CBFA2T2: variants seen among roughly 807,000 people sequenced by gnomAD.
CBFA2T2 encodes CBFA2/RUNX1 partner transcriptional co-repressor 2.
Under a neutral mutation model 62.2 loss-of-function variants are expected in CBFA2T2, and 11 were observed. That is an observed-to-expected ratio of 0.18 (90% CI 0.11 to 0.29). The LOEUF is 0.29. Ranked by LOEUF, CBFA2T2 falls within the 10% of genes least tolerant of loss-of-function variation. The pLI, the probability that CBFA2T2 is intolerant of heterozygous loss-of-function variation, is 1.00. For missense variants in CBFA2T2, 592 were observed against 774.1 expected (o/e 0.76, Z 2.79); for synonymous variants, 295 against 287.5 (o/e 1.03, Z -0.27).
intron 1 of CBFA2T2, among the ~76,000 whole-genome samples, chr20:33,533,099 TTTTG>T (rs1406700751): frequency 6.6e-6 from 1 of 152,096 alleles, no homozygotes; most frequent in Non-Finnish European, 1.5e-5. Context: ...TTACATATAC[TTTTG>T]TTTTATTCTT....
chr20:33,495,014 C>T (rs2011184985), intron 1 of CBFA2T2, among the ~76,000 whole-genome samples: 1 of 152,198 alleles, frequency 6.6e-6, no homozygotes, highest in African/African-American at 2.4e-5. Flanking sequence ...TTAACAATAC[C>T]TCCTGGGGTG....
intron 1 of CBFA2T2, among the ~76,000 whole-genome samples, chr20:33,499,291 G>A (rs549763478): frequency 4.5e-4 from 69 of 152,280 alleles, no homozygotes; most frequent in African/African-American, 1.4e-3. Flanking sequence ...ATTCCTTAGA[G>A]TATTGTTTTG....
intron 4 of CBFA2T2, among the ~76,000 whole-genome samples, chr20:33,621,161 T>C (rs2015949006): frequency 6.6e-6 from 1 of 152,200 alleles, no homozygotes; most frequent in East Asian, 1.9e-4. Flanking sequence ...TGGTGTTGAT[T>C]TGATTAGAAT....
chr20:33,632,233 G>A (rs2016481011), intron 8 of CBFA2T2, among the ~76,000 whole-genome samples: 1 of 151,826 alleles, frequency 6.6e-6, no homozygotes, highest in Non-Finnish European at 1.5e-5. Flanking sequence ...TAGTAGAGAT[G>A]GGGTTTCACC....
intron 1 of CBFA2T2, among the ~76,000 whole-genome samples, chr20:33,567,245 T>G (rs1299194150): frequency 6.6e-6 from 1 of 152,248 alleles, no homozygotes; most frequent in Non-Finnish European, 1.5e-5. Context: ...TGTGTTTTGT[T>G]TAAAGCAACA....
chr20:33,494,261 ATATATATATATATTTTTTTTT>A (rs2011173643), intron 1 of CBFA2T2, among the ~76,000 whole-genome samples: 3 of 70,678 alleles, frequency 4.2e-5, no homozygotes, highest in African/African-American at 6.4e-5. Context: ...ATATATATAT[ATATATATATATATTTTTTTTT>A]TTTTTTTTTT....
intron 1 of CBFA2T2, among the ~76,000 whole-genome samples, chr20:33,507,945 A>G (rs943053090): frequency 7.9e-5 from 12 of 152,082 alleles, no homozygotes; most frequent in African/African-American, 2.7e-4. Context: ...CCAAGTGAAG[A>G]ATGGGTAGGA....
chr20:33,512,610 TCTA>T (rs1370690713), intron 1 of CBFA2T2, among the ~76,000 whole-genome samples: 1 of 152,194 alleles, frequency 6.6e-6, no homozygotes, highest in Admixed American at 6.5e-5. Context: ...CAAATTTCTG[TCTA>T]GGGTTTTGCC....
chr20:33,504,215 C>T (rs900860690), intron 1 of CBFA2T2, among the ~76,000 whole-genome samples: 2 of 151,792 alleles, frequency 1.3e-5, no homozygotes, highest in African/African-American at 4.8e-5. Flanking sequence ...TAGGTTGTTC[C>T]TTTTTATTGT....
chr20:33,593,068 T>C (rs2146928429), intron 1 of CBFA2T2, among the ~76,000 whole-genome samples: 2 of 152,298 alleles, frequency 1.3e-5, no homozygotes, highest in Middle Eastern at 3.4e-3. Flanking sequence ...CCCTGGCTCA[T>C]GCCTGTAATC....
In CBFA2T2 at chr20:33,611,388, C is replaced by T. The variant is rs532440487; in HGVS notation, c.420+53C>T. On this transcript the variant is annotated intron_variant, in intron 3 of 10. Transcript: ENST00000342704. Reference sequence around the variant, plus strand: ...GCTGCCTGAGTATGTGGCTCAGGTCCAAAGCGAGCAAAGTTCTAGATATTT... The same window carrying T: ...GCTGCCTGAGTATGTGGCTCAGGTCTAAAGCGAGCAAAGTTCTAGATATTT... 41 of 1,594,478 alleles carry T rather than the reference C, an allele frequency of 2.6e-5. No individual in the cohort carries two copies. In the Admixed American group the frequency reaches 5.4e-4, roughly 21 times the overall value.
chr20:33,577,763 A>C (rs1429987490), intron 1 of CBFA2T2, among the ~76,000 whole-genome samples: 1 of 152,176 alleles, frequency 6.6e-6, no homozygotes, highest in African/African-American at 2.4e-5. Context: ...CTTGGGACAT[A>C]ATTTTTGACT....
intron 1 of CBFA2T2, among the ~76,000 whole-genome samples, chr20:33,504,703 T>G (rs2011371374): frequency 6.6e-6 from 1 of 152,058 alleles, no homozygotes; most frequent in Non-Finnish European, 1.5e-5. Flanking sequence ...ACGCCCGGCC[T>G]ATACTTAACT....
chr20:33,565,512 T>C (rs1375787046), intron 1 of CBFA2T2, among the ~76,000 whole-genome samples: 1 of 152,148 alleles, frequency 6.6e-6, no homozygotes, highest in Non-Finnish European at 1.5e-5. Context: ...TAGGAATACT[T>C]TGGATGCTAG....
intron 1 of CBFA2T2, among the ~76,000 whole-genome samples, chr20:33,554,783 A>G (rs2012848615): frequency 6.6e-6 from 1 of 151,358 alleles, no homozygotes. Context: ...TAGATGAGAG[A>G]TTTGATCTGA....
At chr20:33,496,645 A>AC (rs1177580185) in intron 1 of CBFA2T2, among the ~76,000 whole-genome samples, 1 of 152,192 alleles carries the variant, frequency 6.6e-6, no homozygotes, top group Non-Finnish European at 1.5e-5. Context: ...AGTAGATAGG[A>AC]CCTGTGCATT....
At chr20:33,548,497 G>C (rs536571264) in intron 1 of CBFA2T2, among the ~76,000 whole-genome samples, 1 of 151,952 alleles carries the variant, frequency 6.6e-6, no homozygotes, top group Non-Finnish European at 1.5e-5. Flanking sequence ...GCCTGCCTCC[G>C]CCTCCCAAAG....
intron 10 of CBFA2T2, 89 bp from the exon 11 acceptor site, chr20:33,644,258 A>G (rs756745715): frequency 7.5e-6 from 11 of 1,471,204 alleles, no homozygotes; most frequent in South Asian, 1.3e-5. Flanking sequence ...GGTTCTCTAC[A>G]TACAGCCCCT....
At chr20:33,591,281 C>G (rs977977965) in intron 1 of CBFA2T2, among the ~76,000 whole-genome samples, 58 of 146,134 alleles carry the variant, frequency 4.0e-4, no homozygotes, top group African/African-American at 1.4e-3. Context: ...GCCGGAAGTT[C>G]GAGACCAGCC....
Sources: gnomAD v4.1 joint callset for allele counts (sites outside exome capture counted in the v4.1 genomes callset) on GRCh38, gnomAD v4.1.1 for gene constraint, MANE v1.5 for transcripts, NCBI Gene and HGNC (gene_info 2026-07-23, HGNC 2026-07-21) for gene names.